Variants in CTNND2 observed in about 807,000 individuals in gnomAD.
CTNND2 encodes the protein catenin delta-2.
CTNND2 carries 22 observed loss-of-function variants against 144.4 expected under a neutral mutation model. The ratio of observed to expected loss-of-function variants is 0.15; its 90% confidence interval spans 0.11 to 0.22. The LOEUF (loss-of-function observed/expected upper bound fraction) is 0.22, where lower values mean the gene tolerates loss of function less well. Ranked by LOEUF, CTNND2 falls within the 10% of genes least tolerant of loss-of-function variation. The probability of loss-of-function intolerance (pLI) is 1.00; values close to 1 mark genes in which losing one functional copy is unlikely to be tolerated. For synonymous variants in CTNND2, 751 were observed against 695.6 expected (o/e 1.08, Z -1.25); for missense variants, 1,353 against 1,618.8 (o/e 0.84, Z 2.82).
intron 16 of CTNND2, among the ~76,000 whole-genome samples, chr5:11,049,747 G>A (rs1382418565): frequency 6.6e-6 from 1 of 152,130 alleles, no homozygotes; most frequent in Non-Finnish European, 1.5e-5. Context: ...AAATAACTGG[G>A]TTTCATACCA....
intron 2 of CTNND2, among the ~76,000 whole-genome samples, chr5:11,653,689 T>C (rs1211662168): frequency 2.0e-5 from 3 of 152,072 alleles, no homozygotes; most frequent in Non-Finnish European, 4.4e-5. Context: ...ATTCCATAGG[T>C]TGCCTTTTCA....
At chr5:11,013,203 A>G (rs1210652435) in intron 18 of CTNND2, among the ~76,000 whole-genome samples, 1 of 152,226 alleles carries the variant, frequency 6.6e-6, no homozygotes, top group Non-Finnish European at 1.5e-5. Flanking sequence ...ACATTAGATC[A>G]TACCCTTTTG....
intron 1 of CTNND2, among the ~76,000 whole-genome samples, chr5:11,799,622 C>T (rs1335219060): frequency 6.6e-6 from 1 of 152,150 alleles, no homozygotes; most frequent in East Asian, 1.9e-4. Context: ...GCTGTTATTA[C>T]TACCATATTA....
chr5:11,590,733 G>A (rs1779187767), intron 2 of CTNND2, among the ~76,000 whole-genome samples: 2 of 151,740 alleles, frequency 1.3e-5, no homozygotes, highest in African/African-American at 4.8e-5. Flanking sequence ...CCCCGCTCTT[G>A]AGAATGTACT....
chr5:11,481,661 C>G (rs975845542), intron 3 of CTNND2, among the ~76,000 whole-genome samples: 4 of 151,768 alleles, frequency 2.6e-5, no homozygotes, highest in Admixed American at 6.6e-5. Flanking sequence ...GAGAGACAGA[C>G]AGACAGAAAG....
At chr5:11,398,214 T>G (rs556726193) in intron 5 of CTNND2, among the ~76,000 whole-genome samples, 1 of 152,224 alleles carries the variant, frequency 6.6e-6, no homozygotes, top group Non-Finnish European at 1.5e-5. Context: ...GCATAACCAT[T>G]AAATCATTCT....
intron 19 of CTNND2, among the ~76,000 whole-genome samples, chr5:10,989,975 TC>T (rs2149496656): frequency 6.6e-6 from 1 of 152,220 alleles, no homozygotes; most frequent in South Asian, 2.1e-4. Context: ...TTACCTGGAA[TC>T]CTTTAAAAAA....
intron 2 of CTNND2, among the ~76,000 whole-genome samples, chr5:11,716,666 T>C (rs893215603): frequency 6.6e-6 from 1 of 151,842 alleles, no homozygotes; most frequent in African/African-American, 2.4e-5. Flanking sequence ...TCTTTTTATT[T>C]ACTTATTTGT....
At chr5:11,710,505 C>T (rs1042203854) in intron 2 of CTNND2, among the ~76,000 whole-genome samples, 7 of 148,502 alleles carry the variant, frequency 4.7e-5, no homozygotes, top group Non-Finnish European at 8.9e-5. Flanking sequence ...ACACCAACTG[C>T]ACTCCAGCCT....
chr5:11,387,115 G>C (rs1759172821), intron 6 of CTNND2, among the ~76,000 whole-genome samples: 2 of 116,582 alleles, frequency 1.7e-5, no homozygotes, highest in South Asian at 6.9e-4. Context: ...ATCCCTGAAG[G>C]TGAGACCATA....
chr5:11,448,631 G>C, intron 3 of CTNND2, among the ~76,000 whole-genome samples: 1 of 151,990 alleles, frequency 6.6e-6, no homozygotes, highest in East Asian at 1.9e-4. Flanking sequence ...CTTATATTAA[G>C]GTATTGAAAA....
chr5:11,578,222 G>A (rs984118015), intron 2 of CTNND2, among the ~76,000 whole-genome samples: 1 of 152,148 alleles, frequency 6.6e-6, no homozygotes, highest in Non-Finnish European at 1.5e-5. Context: ...TCAGGTAAGA[G>A]GGAGTTATTA....
chr5:11,888,543 G>T (rs1006784633), intron 1 of CTNND2, among the ~76,000 whole-genome samples: 1 of 152,060 alleles, frequency 6.6e-6, no homozygotes, highest in African/African-American at 2.4e-5. Context: ...ACCAAATGAA[G>T]AATTTCAGGG....
At chr5:11,672,091 C>T (rs1033775802) in intron 2 of CTNND2, among the ~76,000 whole-genome samples, 1 of 152,176 alleles carries the variant, frequency 6.6e-6, no homozygotes, top group African/African-American at 2.4e-5. Context: ...ACCCTGTTTG[C>T]CTGGGTATCA....
intron 9 of CTNND2, among the ~76,000 whole-genome samples, chr5:11,302,516 C>T (rs763113607): frequency 2.6e-5 from 4 of 152,168 alleles, no homozygotes; most frequent in African/African-American, 7.2e-5. Flanking sequence ...GCCAAAGGAA[C>T]GCAACAAACC....
chr5:11,201,411 C>T (rs774488800), intron 10 of CTNND2, among the ~76,000 whole-genome samples: 1 of 152,086 alleles, frequency 6.6e-6, no homozygotes, highest in Non-Finnish European at 1.5e-5. Flanking sequence ...CAAACAAACA[C>T]CTCTTTTGTG....
At chr5:11,419,027 T>TATATATAG (rs1286249150) in intron 3 of CTNND2, among the ~76,000 whole-genome samples, 8 of 140,730 alleles carry the variant, frequency 5.7e-5, no homozygotes, top group Non-Finnish European at 1.2e-4. Flanking sequence ...GATGTCTATC[T>TATATATAG]ATATATAGAT....
chr5:11,371,523 C>T (rs1757479560), intron 7 of CTNND2, among the ~76,000 whole-genome samples: 1 of 152,192 alleles, frequency 6.6e-6, no homozygotes, highest in East Asian at 1.9e-4. Context: ...TCACATCCTT[C>T]CTTCTGAACT....
intron 1 of CTNND2, among the ~76,000 whole-genome samples, chr5:11,817,623 G>A (rs953256931): frequency 1.3e-5 from 2 of 151,952 alleles, no homozygotes; most frequent in Admixed American, 1.3e-4. Flanking sequence ...ATTCTGAATC[G>A]GATGAGACTT....
Sources: allele counts gnomAD v4.1 joint callset (sites outside exome capture counted in the v4.1 genomes callset), GRCh38; gene constraint gnomAD v4.1.1; transcripts MANE v1.5; gene names NCBI Gene and HGNC (gene_info 2026-07-23, HGNC 2026-07-21).